TMEM62: variants seen among roughly 807,000 people sequenced by gnomAD.
TMEM62 encodes the protein transmembrane protein 62.
Under a neutral mutation model 70.4 loss-of-function variants are expected in TMEM62, and 41 were observed. The ratio of observed to expected loss-of-function variants is 0.58; its 90% CI spans 0.45 to 0.76. TMEM62 has a LOEUF of 0.76. Among genes scored for constraint, TMEM62 ranks in the 30% least tolerant of loss-of-function variants. The probability of loss-of-function intolerance (pLI) is 0.00; values close to 1 mark genes in which losing one functional copy is unlikely to be tolerated. For synonymous variants in TMEM62, 268 were observed against 291.0 expected, an observed-to-expected ratio of 0.92 and a Z score of 0.80; for missense variants, 688 against 788.5, an observed-to-expected ratio of 0.87 and a Z score of 1.53.
chr15:43,136,481 A>G (rs773430284), intron 3 of TMEM62, among the ~76,000 whole-genome samples: 24 of 152,196 alleles, frequency 1.6e-4, no homozygotes, highest in Middle Eastern at 3.4e-3. Flanking sequence ...GTCTCACTCT[A>G]TCACCCAGGC....
At chr15:43,164,151 G>A (rs541655010) in intron 10 of TMEM62, among the ~76,000 whole-genome samples, 6 of 152,110 alleles carry the variant, frequency 3.9e-5, no homozygotes. Context: ...ATTGGTCTAA[G>A]TATCTAAATT....
Position 43,149,033 on chromosome 15 carries a change from G to T in TMEM62, c.748G>T (p.Ala250Ser), listed in dbSNP as rs2037036526. The change falls in exon 7 of 14, where the codon GCT becomes TCT. Residue 250 changes from alanine to serine, a missense_variant. Transcript: ENST00000260403. ...CATTTATTTTTCATTGGTTAGTTCG[G>T]CTATAGCTTATTTGTGTGGACATCT... ...SPGIRSIMSS[A>S]IAYLCGHLHT... 1.2e-6 allele frequency: 2 copies of T among 1,613,790 alleles called. No homozygotes were observed. Among genetic ancestry groups the T allele is most frequent in the Non-Finnish European group, 1.7e-6 (2 of 1,179,960 alleles).
chr15:43,167,408 G>A (rs1015668265), intron 10 of TMEM62, among the ~76,000 whole-genome samples: 8 of 151,578 alleles, frequency 5.3e-5, no homozygotes, highest in Admixed American at 2.6e-4. Context: ...CTTCTCAGAC[G>A]GGGCGGTTGC....
At chr15:43,152,022 T>A in intron 8 of TMEM62, 77 bp downstream of exon 8, 1 of 1,139,226 alleles carries the variant, frequency 8.8e-7, no homozygotes, top group African/African-American at 1.6e-5. Flanking sequence ...CATTCCCATG[T>A]GAAAGCTATG....
In TMEM62 at chr15:43,158,752, T is replaced by G. The variant is rs186910590; in HGVS notation, c.1183-1929T>G. On this transcript the variant is annotated intron_variant, in intron 9 of 13. Transcript: ENST00000260403. Reference sequence around the variant, plus strand: ...GTTCACACACAAAATGCAAGATAAATTCTTCTTTCCCCATTGCCCCTTTAC... The same window carrying G: ...GTTCACACACAAAATGCAAGATAAAGTCTTCTTTCCCCATTGCCCCTTTAC... Among the ~76,000 whole-genome samples the G allele has an allele frequency of 9.8e-5, 15 of 152,312 alleles. No homozygotes were observed. In the East Asian group the frequency reaches 2.9e-3, roughly 29 times the overall value.
Position 43,134,273 on chromosome 15 carries a change from T to C in TMEM62, c.197T>C (p.Leu66Pro). The C allele has an allele frequency of 6.2e-7, 1 of 1,614,204 alleles. No homozygotes were observed. The highest frequency in any genetic ancestry group is 8.5e-7 in the Non-Finnish European group (1 of 1,180,008). ...TTTCGGCAGATATCCGACATTCACC[T>C]GAGCAGGTTTCGAGATCCAGGCAGA... is the stretch of plus-strand genomic sequence containing the variant. Reference protein sequence around the residue: ...FWGLQISDIHLSRFRDPGRAV... With the variant: ...FWGLQISDIHPSRFRDPGRAV... The change falls in exon 2 of 14, where the codon CTG becomes CCG. Residue 66 changes from leucine (L) to proline (P), a missense_variant. Leu to Pro is a moderately conservative substitution (Grantham distance 98). Coordinates refer to ENST00000260403, the MANE Select transcript of TMEM62 (RefSeq NM_024956.4).
Position 43,184,301 on chromosome 15 carries a change from G to C in TMEM62, c.1647G>C (p.Trp549Cys), listed in dbSNP as rs2041684352. The C allele has an allele frequency of 1.2e-6, 2 of 1,614,012 alleles. No homozygotes were observed. Among genetic ancestry groups the C allele is most frequent in the Admixed American group, 1.7e-5 (1 of 59,994 alleles). Reference protein sequence around the residue: ...FNIPLMAYMCWSLLQRCFGHN... With the variant: ...FNIPLMAYMCCSLLQRCFGHN... Reference sequence around the variant, plus strand: ...TCCCCTTGATGGCTTACATGTGTTGGAGCTTGCTGCAGCGGTGCTTTGGTC... The same window carrying C: ...TCCCCTTGATGGCTTACATGTGTTGCAGCTTGCTGCAGCGGTGCTTTGGTC... The change falls in exon 14 of 14, where the codon TGG becomes TGC. Residue 549 changes from tryptophan to cysteine, a missense_variant. Transcript: ENST00000260403.
chr15:43,158,831 T>C (rs748073514), intron 9 of TMEM62, among the ~76,000 whole-genome samples: 1 of 152,200 alleles, frequency 6.6e-6, no homozygotes, highest in Non-Finnish European at 1.5e-5. Flanking sequence ...CAAAGGTGAC[T>C]GAGTCTTTTA....
intron 4 of TMEM62, among the ~76,000 whole-genome samples, chr15:43,143,046 G>T (rs1298324527): frequency 2.0e-5 from 3 of 151,720 alleles, no homozygotes; most frequent in Admixed American, 2.0e-4. Context: ...ATAGACTATA[G>T]TATGGTGTAA....
intron 5 of TMEM62, 50 bp from the exon 6 acceptor site, chr15:43,148,705 T>C: frequency 6.3e-7 from 1 of 1,598,614 alleles, no homozygotes; most frequent in Middle Eastern, 1.7e-4. Context: ...TGACATTAGA[T>C]TTTAGCCTGA....
chr15:43,153,463 T>G (rs1014971652), intron 8 of TMEM62, among the ~76,000 whole-genome samples: 1 of 152,212 alleles, frequency 6.6e-6, no homozygotes, highest in Non-Finnish European at 1.5e-5. Context: ...CCACAGCCCC[T>G]GGCAACCACC....
rs749629952 is a variant in TMEM62 at position 43,135,597 on chromosome 15, G to A, written c.378G>A (p.Lys126=). Residue 126 remains lysine (K), a synonymous_variant, in exon 3 of 14, where the codon AAG becomes AAA. Transcript: ENST00000260403. The part of the protein sequence containing the change: ...VEWQTYQGIL[K]KTRVMEKTKW... ...GGCAAACCTACCAGGGTATTCTGAA[G>A]AAGACAAGAGTCATGGAAAAAACCA... The A allele has an allele frequency of 2.4e-5, 38 of 1,608,698 alleles. No homozygotes were observed. The highest frequency in any genetic ancestry group is 3.1e-5 in the Non-Finnish European group (37 of 1,178,882).
intron 3 of TMEM62, among the ~76,000 whole-genome samples, chr15:43,137,180 G>T (rs1041640190): frequency 6.6e-6 from 1 of 152,240 alleles, no homozygotes; most frequent in African/African-American, 2.4e-5. Flanking sequence ...CCTGATGGTA[G>T]TGTATTTGTT....
rs930032567 is a variant in TMEM62 at position 43,142,176 on chromosome 15, T to A, written c.476+3557T>A. ...CTATAGAGAAATTCTTTTTTTTTTT[T>A]TTTTTTTGAGATGGAGGCTTGCTCT... On this transcript the variant is annotated intron_variant, in intron 4 of 13. Transcript: ENST00000260403. Among the ~76,000 whole-genome samples, 4 of 150,034 alleles carry A rather than the reference T, an allele frequency of 2.7e-5. 1 individual carries two copies. In the South Asian group the frequency reaches 6.4e-4, roughly 24 times the overall value.
At chr15:43,145,203 A>ATT in intron 4 of TMEM62, among the ~76,000 whole-genome samples, 1 of 85,744 alleles carries the variant, frequency 1.2e-5, no homozygotes, top group Admixed American at 1.2e-4. Flanking sequence ...CTGAAATAGA[A>ATT]TTTTTTTTTT....
chr15:43,133,736 G>T lies in TMEM62; in HGVS notation c.-67G>T. On this transcript the variant is annotated 5_prime_UTR_variant, in exon 1 of 14. Transcript: ENST00000260403. ...TAGAGTCCGGAAGTGCAGGCAAAGC[G>T]GCTCCCGGGAGCGCCGCGCGGTCCT... is the stretch of plus-strand genomic sequence containing the variant. The T allele has an allele frequency of 4.3e-6, 5 of 1,153,688 alleles. 1 individual carries two copies. In the South Asian group the frequency reaches 1.1e-4, roughly 26 times the overall value. 71.5% of individuals were successfully genotyped at this position (1,153,688 alleles called of 1,614,324 possible).
At chr15:43,136,907 C>T (rs1331431846) in intron 3 of TMEM62, among the ~76,000 whole-genome samples, 1 of 152,076 alleles carries the variant, frequency 6.6e-6, no homozygotes, top group African/African-American at 2.4e-5. Context: ...CATCACCATA[C>T]CCTGCTAATT....
chr15:43,178,477 G>C (rs899354520), intron 11 of TMEM62, 130 bp from the exon 12 acceptor site: 2 of 602,438 alleles, frequency 3.3e-6, no homozygotes, highest in African/African-American at 3.7e-5. Context: ...GGTGTCATCT[G>C]TATAGTTACC....
chr15:43,142,172 T>C (rs1231959919), intron 4 of TMEM62, among the ~76,000 whole-genome samples: 1 of 149,716 alleles, frequency 6.7e-6, no homozygotes, highest in East Asian at 1.9e-4. Flanking sequence ...TTCTTTTTTT[T>C]TTTTTTTTTT....
Sources: gnomAD v4.1 joint callset for allele counts (sites outside exome capture counted in the v4.1 genomes callset) on GRCh38, gnomAD v4.1.1 for gene constraint, MANE v1.5 for transcripts, NCBI Gene and HGNC (gene_info 2026-07-23, HGNC 2026-07-21) for gene names.